SVOPL: variants seen among roughly 807,000 people sequenced by gnomAD.
The protein encoded by SVOPL is putative transporter SVOPL.
In SVOPL, 60 loss-of-function variants were observed where a neutral mutation model predicts 61.0. That is an observed-to-expected ratio of 0.98 (90% CI 0.80 to 1.22). The LOEUF is 1.22. Among genes scored for constraint, SVOPL ranks in the 50% most tolerant of loss-of-function variants. SVOPL has a pLI of 0.00. For missense variants in SVOPL, 662 were observed against 643.9 expected, an observed-to-expected ratio of 1.03 and a Z score of -0.30; for synonymous variants, 279 against 250.0, an observed-to-expected ratio of 1.12 and a Z score of -1.09.
intron 9 of SVOPL, among the ~76,000 whole-genome samples, chr7:138,637,084 AAC>A (rs1180172022): frequency 1.3e-5 from 2 of 152,178 alleles, no homozygotes; most frequent in Non-Finnish European, 2.9e-5. Context: ...CTATCATTAG[AAC>A]AGATTGTTCA....
chr7:138,638,652 AG>A (rs1231560500), intron 9 of SVOPL, among the ~76,000 whole-genome samples: 1 of 79,570 alleles, frequency 1.3e-5, no homozygotes, highest in Non-Finnish European at 3.5e-5. Context: ...TTAAGTTCAA[AG>A]AAAAAAAAAT....
intron 10 of SVOPL, 127 bp from the exon 11 acceptor site, chr7:138,628,490 G>T: frequency 1.2e-6 from 1 of 862,902 alleles, no homozygotes; most frequent in Non-Finnish European, 1.8e-6. Flanking sequence ...AGGCTCAGAC[G>T]CCACACAGAG....
chr7:138,651,174 C>G (rs1801415762), intron 7 of SVOPL, among the ~76,000 whole-genome samples: 1 of 152,102 alleles, frequency 6.6e-6, no homozygotes, highest in Admixed American at 6.5e-5. Context: ...CAGCTGGGAC[C>G]TACCACTGAA....
At chr7:138,668,760 C>T (rs114191069) in intron 4 of SVOPL, among the ~76,000 whole-genome samples, 2,109 of 152,282 alleles carry the variant, frequency 0.014, 55 homozygotes, top group African/African-American at 0.049. Context: ...TGCCACCTTC[C>T]GGGGCTACTC....
At position 138,655,360 on chromosome 7, in the gene SVOPL, C is replaced by T. The variant is rs534406671; in HGVS notation, c.534+1088G>A. 9.9e-5 allele frequency among the ~76,000 whole-genome samples: 15 copies of T among 152,042 alleles called. 1 individual carries two copies. Among genetic ancestry groups the T allele is most frequent in the Admixed American group, 3.3e-4 (5 of 15,264 alleles). Reference sequence around the variant, plus strand: ...CTCTACCAAAAATATAAAAAATTAGCTGGGCATGGTGGTGCACGTCTGTAA... The same window carrying T: ...CTCTACCAAAAATATAAAAAATTAGTTGGGCATGGTGGTGCACGTCTGTAA... On this transcript the variant is annotated intron_variant, in intron 7 of 15. Transcript: ENST00000674285.
chr7:138,598,551 G>A (rs758720350), intron 14 of SVOPL, among the ~76,000 whole-genome samples: 14 of 152,022 alleles, frequency 9.2e-5, no homozygotes, highest in African/African-American at 2.4e-4. Flanking sequence ...CATTCACCAA[G>A]ATAAACCATA....
At chr7:138,685,553 T>C (rs1218198500) in intron 1 of SVOPL, among the ~76,000 whole-genome samples, 1 of 152,198 alleles carries the variant, frequency 6.6e-6, no homozygotes, top group East Asian at 1.9e-4. Flanking sequence ...TATGGTATCA[T>C]GCGCTTAAAA....
intron 8 of SVOPL, 49 bp from the exon 9 acceptor site, chr7:138,644,894 C>T (rs1030831138): frequency 6.2e-7 from 1 of 1,611,670 alleles, no homozygotes. Context: ...CTATAGAACC[C>T]AGGGGTACAG....
At chr7:138,689,899 G>A (rs1359796941) in intron 1 of SVOPL, among the ~76,000 whole-genome samples, 1 of 151,810 alleles carries the variant, frequency 6.6e-6, no homozygotes, top group Non-Finnish European at 1.5e-5. Context: ...GAGTGGAGTG[G>A]GAGTCTTACC....
In SVOPL at chr7:138,660,012, A is replaced by C. The variant is rs2117073858; in HGVS notation, c.346-24T>G. ...ATCTGAAGCAACAGCAGAACACATG[A>C]ATGGGACCTGCCTCAATGCGGGGAG... is the stretch of plus-strand genomic sequence containing the variant. On this transcript the variant is annotated intron_variant, in intron 5 of 15. Coordinates refer to ENST00000674285, the MANE Select transcript of SVOPL (RefSeq NM_001139456.2). 6 of 1,551,192 alleles carry C rather than the reference A, an allele frequency of 3.9e-6. No individual in the cohort carries two copies. The East Asian group carries it at 1.5e-4, about 38-fold the overall frequency.
intron 9 of SVOPL, among the ~76,000 whole-genome samples, chr7:138,631,983 C>CACACACACACACACACACAA (rs1175126754): frequency 6.6e-6 from 1 of 151,472 alleles, no homozygotes; most frequent in East Asian, 1.9e-4. Flanking sequence ...CACACACACA[C>CACACACACACACACACACAA]ATACACACAC....
At chr7:138,637,463 T>TATATATAGATATAG (rs1554463004) in intron 9 of SVOPL, among the ~76,000 whole-genome samples, 40 of 19,082 alleles carry the variant, frequency 2.1e-3, no homozygotes, top group African/African-American at 5.4e-3. Flanking sequence ...TAGATATATA[T>TATATATAGATATAG]ATATAGATAT....
chr7:138,671,012 T>C (rs994226727), intron 4 of SVOPL, among the ~76,000 whole-genome samples: 4 of 152,228 alleles, frequency 2.6e-5, no homozygotes, highest in East Asian at 3.8e-4. Flanking sequence ...ATGAAGTCAA[T>C]CATGCTATTA....
intron 10 of SVOPL, among the ~76,000 whole-genome samples, chr7:138,629,545 T>A (rs1420253714): frequency 6.6e-6 from 1 of 152,196 alleles, no homozygotes; most frequent in Non-Finnish European, 1.5e-5. Flanking sequence ...CCCGGCCTTC[T>A]TCATGATACC....
intron 13 of SVOPL, among the ~76,000 whole-genome samples, chr7:138,624,273 T>C (rs1035327298): frequency 1.3e-5 from 2 of 152,244 alleles, no homozygotes; most frequent in Non-Finnish European, 2.9e-5. Context: ...CCAGTTGTCC[T>C]GTCAGCCCAT....
chr7:138,641,396 C>T (rs886113268), intron 9 of SVOPL, among the ~76,000 whole-genome samples: 1 of 151,900 alleles, frequency 6.6e-6, no homozygotes, highest in Non-Finnish European at 1.5e-5. Context: ...CTCAGCTGGG[C>T]GCGGGGCCTC....
intron 9 of SVOPL, among the ~76,000 whole-genome samples, chr7:138,644,093 C>T (rs1364083812): frequency 1.4e-5 from 2 of 146,608 alleles, no homozygotes; most frequent in Admixed American, 7.1e-5. Context: ...CCCAGCTACT[C>T]GGGAGGCTGA....
chr7:138,610,300 T>C (rs1398342520), intron 14 of SVOPL, among the ~76,000 whole-genome samples: 1 of 151,516 alleles, frequency 6.6e-6, no homozygotes, highest in Non-Finnish European at 1.5e-5. Flanking sequence ...AGAGAGAGAG[T>C]AAAAGAGCAG....
At position 138,651,583 on chromosome 7, in the gene SVOPL, C is replaced by T. The variant is rs137859739; in HGVS notation, c.535-2446G>A. ...ATGTGCTCACTTCATATCTCTGTCA[C>T]GTTTTAGTAATTCTCGCAATATTTC... On this transcript the variant is annotated intron_variant, in intron 7 of 15. Coordinates refer to ENST00000674285, the MANE Select transcript of SVOPL (RefSeq NM_001139456.2). 1.1e-4 allele frequency among the ~76,000 whole-genome samples: 17 copies of T among 152,228 alleles called. No individual in the cohort carries two copies. In the East Asian group the frequency reaches 3.1e-3, roughly 28 times the overall value.
Sources: gnomAD v4.1 joint callset for allele counts (sites outside exome capture counted in the v4.1 genomes callset) on GRCh38, gnomAD v4.1.1 for gene constraint, MANE v1.5 for transcripts, NCBI Gene and HGNC (gene_info 2026-07-23, HGNC 2026-07-21) for gene names.